ITGBL1: variants seen among roughly 807,000 people sequenced by gnomAD.
ITGBL1 encodes integrin beta-like protein 1.
A neutral mutation model predicts 68.5 loss-of-function variants in ITGBL1; 51 were observed. The ratio of observed to expected loss-of-function variants is 0.74; its 90% CI spans 0.59 to 0.94. The LOEUF (loss-of-function observed/expected upper bound fraction) is 0.94. Ranked by LOEUF, ITGBL1 falls within the 40% of genes least tolerant of loss-of-function variation. ITGBL1 has a pLI of 0.00. For missense variants in ITGBL1, 649 were observed against 647.4 expected (o/e 1.00, Z -0.03); for synonymous variants, 209 against 227.3 (o/e 0.92, Z 0.72).
chr13:101,720,043 GTT>G (rs1566809219), downstream of ITGBL1: 1 of 152,060 alleles, frequency 6.6e-6, no homozygotes, highest in Non-Finnish European at 1.5e-5. Flanking sequence ...GTTGTTTGAT[GTT>G]TTTTAATATG....
intron 6 of ITGBL1, among the ~76,000 whole-genome samples, chr13:101,596,266 GT>G (rs932009827): frequency 1.3e-5 from 2 of 152,160 alleles, no homozygotes; most frequent in African/African-American, 4.8e-5. Flanking sequence ...TAGAAGGGTG[GT>G]TACCCAGGGC....
At chr13:101,514,887 T>C (rs1008170220) in intron 2 of ITGBL1, among the ~76,000 whole-genome samples, 52 of 152,198 alleles carry the variant, frequency 3.4e-4, no homozygotes, top group African/African-American at 1.3e-3. Context: ...GTTGTACTAA[T>C]AAGCACTTTA....
In ITGBL1 at chr13:101,579,394, A is replaced by G; in HGVS notation, c.694A>G (p.Thr232Ala). The stretch of plus-strand genomic sequence containing the variant: ...CCCCTGGGAAAGCAAGCGAAGATGC[A>G]CGTCTCCAGATGGCAAAATCTGCAG... ...ITPWESKRRC[T>A]SPDGKICSNR... The change falls in exon 5 of 11, where the codon ACG (threonine) becomes GCG (alanine). Residue 232 changes from threonine (T) to alanine (A), a missense_variant. By Grantham distance (58) the Thr-to-Ala change is moderately conservative. Transcript: ENST00000376180. The G allele has an allele frequency of 6.2e-7, 1 of 1,613,862 alleles. No individual in the cohort carries two copies. Among genetic ancestry groups the G allele is most frequent in the Non-Finnish European group, 8.5e-7 (1 of 1,179,878 alleles).
intron 7 of ITGBL1, among the ~76,000 whole-genome samples, chr13:101,683,394 G>C (rs181981883): frequency 6.6e-6 from 1 of 151,986 alleles, no homozygotes; most frequent in Non-Finnish European, 1.5e-5. Flanking sequence ...CAGGCATTAC[G>C]TTGAATGTAT....
rs58584687 is a variant in ITGBL1 at position 101,637,341 on chromosome 13, A to ATTT, written c.1015+39060_1015+39062dup. On this transcript the variant is annotated intron_variant, in intron 7 of 10. Coordinates refer to ENST00000376180, the MANE Select transcript of ITGBL1 (RefSeq NM_004791.3). ...ACAAAGTCAAAATGATTGGAACAGT[A>ATTT]TTTTTTTTTTTTTTTTTTTTGAGAC... Among the ~76,000 whole-genome samples, 32 of 125,892 alleles carry ATTT rather than the reference A, an allele frequency of 2.5e-4. 1 individual carries two copies. The highest frequency in any genetic ancestry group is 8.4e-4 in the African/African-American group (27 of 32,174). 82.6% of individuals were successfully genotyped at this position (125,892 alleles called of 152,430 possible).
chr13:101,489,659 A>G (rs1328695152), intron 2 of ITGBL1, among the ~76,000 whole-genome samples: 1 of 152,196 alleles, frequency 6.6e-6, no homozygotes, highest in African/African-American at 2.4e-5. Context: ...CCAGGGAAGT[A>G]TGCTTTTGAA....
chr13:101,604,858 A>ATC (rs1393846703), intron 7 of ITGBL1, among the ~76,000 whole-genome samples: 5 of 15,732 alleles, frequency 3.2e-4, no homozygotes, highest in Non-Finnish European at 6.1e-4. Flanking sequence ...ATATATATAT[A>ATC]TATATATATA....
At chr13:101,653,313 T>A (rs557322496) in intron 7 of ITGBL1, among the ~76,000 whole-genome samples, 1 of 152,234 alleles carries the variant, frequency 6.6e-6, no homozygotes, top group Admixed American at 6.5e-5. Flanking sequence ...CTTGACCATA[T>A]AAGAGATACT....
At chr13:101,462,582 C>T (rs564957017) in intron 2 of ITGBL1, among the ~76,000 whole-genome samples, 1 of 152,024 alleles carries the variant, frequency 6.6e-6, no homozygotes, top group African/African-American at 2.4e-5. Context: ...CCCATCTTTT[C>T]CATATCATTA....
chr13:101,470,769 G>C (rs1349733553), intron 2 of ITGBL1, among the ~76,000 whole-genome samples: 5 of 152,074 alleles, frequency 3.3e-5, no homozygotes, highest in Non-Finnish European at 7.4e-5. Flanking sequence ...ATTCTATGGG[G>C]TGCCCTTAAA....
At chr13:101,693,874 T>C (rs2033940582) in intron 8 of ITGBL1, among the ~76,000 whole-genome samples, 1 of 152,190 alleles carries the variant, frequency 6.6e-6, no homozygotes, top group Non-Finnish European at 1.5e-5. Context: ...GGTGATGACC[T>C]GGAGCAGTAG....
At chr13:101,716,488 T>C (rs1440309961), downstream of ITGBL1, 2 of 152,170 alleles carry the variant, frequency 1.3e-5, no homozygotes, top group Non-Finnish European at 2.9e-5. Context: ...TAAAAATGAA[T>C]TGTTATTCAG....
chr13:101,715,512 A>G (rs1384384708), intron 10 of ITGBL1, 51 bp from the exon 11 acceptor site: 1 of 1,257,340 alleles, frequency 8.0e-7, no homozygotes, highest in South Asian at 1.2e-5. Context: ...GCATGTTTAA[A>G]TTTGGCACAT....
At chr13:101,655,625 T>C (rs186878812) in intron 7 of ITGBL1, among the ~76,000 whole-genome samples, 1 of 152,322 alleles carries the variant, frequency 6.6e-6, no homozygotes, top group East Asian at 1.9e-4. Context: ...ATGAAGCTAA[T>C]GCTAGATCTT....
intron 7 of ITGBL1, among the ~76,000 whole-genome samples, chr13:101,617,500 A>G (rs996235085): frequency 3.3e-5 from 5 of 152,182 alleles, no homozygotes; most frequent in African/African-American, 1.2e-4. Flanking sequence ...TCATATGAGT[A>G]CAACCTGGCA....
intron 6 of ITGBL1, among the ~76,000 whole-genome samples, chr13:101,590,915 T>C: frequency 6.6e-6 from 1 of 152,158 alleles, no homozygotes; most frequent in Non-Finnish European, 1.5e-5. Flanking sequence ...TTTGTTTTGT[T>C]TTTTTTGAGT....
intron 3 of ITGBL1, among the ~76,000 whole-genome samples, chr13:101,571,531 C>G (rs1218584307): frequency 2.6e-5 from 4 of 152,050 alleles, no homozygotes; most frequent in Admixed American, 6.6e-5. Context: ...GTATAGTACA[C>G]TAACATGCTT....
At chr13:101,691,759 T>A (rs960699281) in intron 7 of ITGBL1, among the ~76,000 whole-genome samples, 1 of 152,238 alleles carries the variant, frequency 6.6e-6, no homozygotes, top group Admixed American at 6.5e-5. Flanking sequence ...AAATTTTGAA[T>A]CTATTTCTTC....
chr13:101,701,639 G>A (rs1461369561), intron 8 of ITGBL1, among the ~76,000 whole-genome samples: 3 of 151,938 alleles, frequency 2.0e-5, no homozygotes, highest in Non-Finnish European at 4.4e-5. Context: ...TAATAATATT[G>A]TAAATCAAAG....
Sources: gnomAD v4.1 joint callset for allele counts (sites outside exome capture counted in the v4.1 genomes callset) on GRCh38, gnomAD v4.1.1 for gene constraint, MANE v1.5 for transcripts, NCBI Gene and HGNC (gene_info 2026-07-23, HGNC 2026-07-21) for gene names.